The following ABR variants were observed in gnomAD, a reference collection of about 807,000 sequenced individuals.
The protein encoded by ABR is active breakpoint cluster region-related protein.
In ABR, 35 loss-of-function variants were observed where a neutral mutation model predicts 107.2. The observed-to-expected ratio is 0.33, with a 90% CI of 0.25 to 0.43. The LOEUF (loss-of-function observed/expected upper bound fraction) is 0.43, where lower values mean the gene tolerates loss of function less well. ABR is among the 20% of genes least tolerant of loss of function. The pLI is 1.00. For missense variants in ABR, 815 were observed against 1,115.2 expected, an observed-to-expected ratio of 0.73 and a Z score of 3.83; for synonymous variants, 498 against 462.0, an observed-to-expected ratio of 1.08 and a Z score of -1.00.
At chr17:1,160,902 T>G (rs1007350256) in intron 1 of ABR, among the ~76,000 whole-genome samples, 1 of 152,202 alleles carries the variant, frequency 6.6e-6, no homozygotes, top group Non-Finnish European at 1.5e-5. Flanking sequence ...GGGACGCCCG[T>G]GCGGTGGAGG....
intron 3 of ABR, among the ~76,000 whole-genome samples, chr17:1,093,021 C>T (rs1417033051): frequency 6.6e-6 from 1 of 151,890 alleles, no homozygotes; most frequent in Non-Finnish European, 1.5e-5. Context: ...CGGGGTTTCA[C>T]TGTGTTAGCC....
At chr17:1,131,180 C>T (rs922611523) in intron 1 of ABR, among the ~76,000 whole-genome samples, 2 of 122,946 alleles carry the variant, frequency 1.6e-5, no homozygotes, top group African/African-American at 3.2e-5. Flanking sequence ...ACAGCTCCCC[C>T]CTTTGCACAC....
At chr17:1,096,539 G>A (rs2037438481) in intron 3 of ABR, among the ~76,000 whole-genome samples, 1 of 152,172 alleles carries the variant, frequency 6.6e-6, no homozygotes, top group South Asian at 2.1e-4. Context: ...TTCTTCTGAG[G>A]CTGTGGCTGT....
Position 1,125,934 on chromosome 17 carries a change from G to A in ABR, c.62-567C>T, listed in dbSNP as rs899135668. 1.1e-4 allele frequency among the ~76,000 whole-genome samples: 17 copies of A among 152,174 alleles called. 1 individual carries two copies. The highest frequency in any genetic ancestry group is 6.5e-4 in the Admixed American group (10 of 15,286). On this transcript the variant is annotated intron_variant, in intron 1 of 22. Transcript: ENST00000302538. ...CGGAGGACGGAGCCCAAGGCAGCAG[G>A]GCGTGGGCGAGGAGGCTGTGCCCAG...
intron 1 of ABR, among the ~76,000 whole-genome samples, chr17:1,199,073 G>A (rs3922611): frequency 0.56 from 81,328 of 144,136 alleles, 24,542 homozygotes; most frequent in East Asian, 0.86. Flanking sequence ...AAAAAGAGGT[G>A]CCTGGTTCCA....
At chr17:1,019,684 C>CT (rs1324452649) in intron 16 of ABR, among the ~76,000 whole-genome samples, 2 of 152,276 alleles carry the variant, frequency 1.3e-5, no homozygotes, top group Non-Finnish European at 2.9e-5. Context: ...CTGCTGCCCG[C>CT]AACTGCGCTG....
At chr17:1,054,076 G>C (rs2032919308) in intron 14 of ABR, among the ~76,000 whole-genome samples, 1 of 152,210 alleles carries the variant, frequency 6.6e-6, no homozygotes, top group South Asian at 2.1e-4. Flanking sequence ...TGCACCACCT[G>C]CTACTGTGTG....
chr17:1,011,182 C>T lies in ABR; in HGVS notation c.2102-319G>A. 1 of 361,514 alleles carries T rather than the reference C, an allele frequency of 2.8e-6. No homozygotes were observed. The highest frequency in any genetic ancestry group is 5.2e-6 in the Non-Finnish European group (1 of 191,300). 22.4% of individuals were successfully genotyped at this position (361,514 alleles called of 1,614,324 possible). Reference sequence around the variant, plus strand: ...AGCTTCCTTCCGACTGGAACCTCTCCATCGCTAAGCCCCTCTCTGGAAGGC... The same window carrying T: ...AGCTTCCTTCCGACTGGAACCTCTCTATCGCTAAGCCCCTCTCTGGAAGGC... On this transcript the variant is annotated intron_variant, in intron 19 of 22. Coordinates refer to ENST00000302538, the MANE Select transcript of ABR (RefSeq NM_021962.5). This position sits in a 1 kb window ranked among gnomAD's most constrained non-coding sequence, Gnocchi z 4.8.
chr17:1,108,408 G>A (rs962112577), intron 2 of ABR, among the ~76,000 whole-genome samples: 1 of 152,218 alleles, frequency 6.6e-6, no homozygotes, highest in Non-Finnish European at 1.5e-5. Flanking sequence ...TGCCTGTCCC[G>A]CCTCGGGAAG....
Position 1,021,609 on chromosome 17 carries a change from A to T in ABR, c.1792-8445T>A, listed in dbSNP as rs143447828. ...TCACAAGGTCAGGAGATCGAGACCA[A>T]CCTGACCAACGTGGCGAAACCCCGT... On this transcript the variant is annotated intron_variant, in intron 16 of 22. Coordinates refer to ENST00000302538, the MANE Select transcript of ABR (RefSeq NM_021962.5). Among the ~76,000 whole-genome samples, 1,127 of 149,222 alleles carry T rather than the reference A, an allele frequency of 7.6e-3. 9 individuals are homozygous for T. Among genetic ancestry groups the T allele is most frequent in the African/African-American group, 0.021 (855 of 40,436 alleles).
At chr17:1,121,645 G>A (rs1555592265) in intron 2 of ABR, among the ~76,000 whole-genome samples, 41 of 149,472 alleles carry the variant, frequency 2.7e-4, no homozygotes, top group African/African-American at 1.0e-3. Context: ...GCTGTGGTCT[G>A]AGAGCTGCTC....
chr17:1,140,299 T>A (rs1438749674), intron 1 of ABR, among the ~76,000 whole-genome samples: 2 of 152,038 alleles, frequency 1.3e-5, no homozygotes, highest in Non-Finnish European at 2.9e-5. Context: ...AGACCCTAAG[T>A]CCAGGTGGAG....
chr17:1,177,250 A>G (rs571521908), intron 1 of ABR, among the ~76,000 whole-genome samples: 5 of 152,312 alleles, frequency 3.3e-5, no homozygotes, highest in African/African-American at 1.2e-4. Context: ...GTTGATGGCT[A>G]ACAGCCCAAA....
chr17:1,130,074 G>A (rs2039760094), intron 1 of ABR, among the ~76,000 whole-genome samples: 1 of 152,218 alleles, frequency 6.6e-6, no homozygotes, highest in Non-Finnish European at 1.5e-5. Context: ...TAGACAGCAG[G>A]TGAATGGGTG....
At chr17:1,142,780 CA>C (rs2040341202) in intron 1 of ABR, among the ~76,000 whole-genome samples, 1 of 152,076 alleles carries the variant, frequency 6.6e-6, no homozygotes, top group Non-Finnish European at 1.5e-5. Context: ...CACAGACAGG[CA>C]GGGGTGGGTG....
Position 1,091,028 on chromosome 17 carries a change from T to G in ABR, c.531+637A>C, listed in dbSNP as rs542855728. Among the ~76,000 whole-genome samples the G allele has an allele frequency of 2.6e-4, 39 of 152,254 alleles. 1 individual carries two copies. The South Asian group carries it at 7.9e-3, about 31-fold the overall frequency. Reference sequence around the variant, plus strand: ...AACGTTTCCCAACACGAGGTCTGCATGTTAACCCACCCACTCCTGCCGCTC... The same window carrying G: ...AACGTTTCCCAACACGAGGTCTGCAGGTTAACCCACCCACTCCTGCCGCTC... On this transcript the variant is annotated intron_variant, in intron 4 of 22. Transcript: ENST00000302538.
rs78101428 is a variant in ABR at position 1,092,602 on chromosome 17, C to T, written c.346-752G>A. Among the ~76,000 whole-genome samples, 1,799 of 152,258 alleles carry T rather than the reference C, an allele frequency of 0.012. 40 individuals carry two copies. Among genetic ancestry groups the T allele is most frequent in the East Asian group, 0.096 (495 of 5,174 alleles). Reference sequence around the variant, plus strand: ...GGGAGCTGATGCCATCACCTTCCAGCCTAGCAGTGGGACCGTGGGATAACG... The same window carrying T: ...GGGAGCTGATGCCATCACCTTCCAGTCTAGCAGTGGGACCGTGGGATAACG... On this transcript the variant is annotated intron_variant, in intron 3 of 22. Transcript: ENST00000302538. This position sits in a 1 kb window ranked among gnomAD's most constrained non-coding sequence, Gnocchi z 4.6.
At chr17:1,020,533 G>T (rs796704511) in intron 16 of ABR, among the ~76,000 whole-genome samples, 6 of 152,350 alleles carry the variant, frequency 3.9e-5, no homozygotes, top group African/African-American at 1.4e-4. Flanking sequence ...GGGGCACCGG[G>T]TTGAAATGGG....
intron 3 of ABR, among the ~76,000 whole-genome samples, chr17:1,094,860 G>A (rs981553473): frequency 1.3e-5 from 2 of 152,032 alleles, no homozygotes; most frequent in Non-Finnish European, 2.9e-5. Flanking sequence ...GGGGCGTAGA[G>A]AGGCATGCCA....
Sources: allele counts gnomAD v4.1 joint callset (sites outside exome capture counted in the v4.1 genomes callset), GRCh38; gene constraint gnomAD v4.1.1; non-coding constraint Gnocchi (gnomAD v3.1); transcripts MANE v1.5; gene names NCBI Gene and HGNC (gene_info 2026-07-23, HGNC 2026-07-21).